KCNC2: variants seen among roughly 807,000 people sequenced by gnomAD.
KCNC2 encodes the protein potassium voltage-gated channel subfamily C member 2, also known as voltage-gated potassium channel KCNC2.
A neutral mutation model predicts 44.5 loss-of-function variants in KCNC2; 21 were observed. The observed-to-expected ratio is 0.47, with a 90% CI of 0.33 to 0.68. The LOEUF (loss-of-function observed/expected upper bound fraction) is 0.68. Among genes scored for constraint, KCNC2 ranks in the 30% least tolerant of loss-of-function variants. The probability of loss-of-function intolerance (pLI) is 0.01; values close to 1 mark genes in which losing one functional copy is unlikely to be tolerated. For synonymous variants in KCNC2, 391 were observed against 339.1 expected, an observed-to-expected ratio of 1.15 and a Z score of -1.68; for missense variants, 589 against 826.2, an observed-to-expected ratio of 0.71 and a Z score of 3.52.
intron 2 of KCNC2, among the ~76,000 whole-genome samples, chr12:75,130,430 C>T (rs1315806546): frequency 2.0e-5 from 3 of 152,078 alleles, no homozygotes; most frequent in Non-Finnish European, 4.4e-5. Context: ...GCCTAAACTA[C>T]ATAACACAAC....
intron 2 of KCNC2, among the ~76,000 whole-genome samples, chr12:75,161,074 C>G (rs539851739): frequency 1.3e-5 from 2 of 151,352 alleles, no homozygotes; most frequent in Non-Finnish European, 3.0e-5. Context: ...TTTAATTAGC[C>G]CATATAACTC....
chr12:75,106,583 A>G (rs1016308338), intron 2 of KCNC2, among the ~76,000 whole-genome samples: 16 of 152,160 alleles, frequency 1.1e-4, no homozygotes, highest in African/African-American at 3.1e-4. Context: ...CAAAGGATGA[A>G]GGTATAGGTA....
chr12:75,177,283 T>A (rs1892255822), intron 2 of KCNC2, among the ~76,000 whole-genome samples: 1 of 151,908 alleles, frequency 6.6e-6, no homozygotes, highest in African/African-American at 2.4e-5. Flanking sequence ...ATGCTATTTT[T>A]ATGAACAAAC....
At chr12:75,176,096 C>T (rs1047497615) in intron 2 of KCNC2, among the ~76,000 whole-genome samples, 2 of 151,956 alleles carry the variant, frequency 1.3e-5, no homozygotes, top group African/African-American at 4.8e-5. Flanking sequence ...GGGCCAAAGA[C>T]CAAAAAGTAC....
chr12:75,155,720 A>G (rs774841357), intron 2 of KCNC2, among the ~76,000 whole-genome samples: 5 of 151,600 alleles, frequency 3.3e-5, no homozygotes, highest in Non-Finnish European at 7.4e-5. Flanking sequence ...CAGAAGATGA[A>G]TTAATGAATT....
At chr12:75,071,512 G>A (rs1001164633) in intron 2 of KCNC2, among the ~76,000 whole-genome samples, 17 of 152,068 alleles carry the variant, frequency 1.1e-4, no homozygotes, top group African/African-American at 3.9e-4. Context: ...CATATTATAA[G>A]TTTTCAACGA....
intron 2 of KCNC2, among the ~76,000 whole-genome samples, chr12:75,137,426 T>G (rs1653106684): frequency 6.6e-6 from 1 of 152,330 alleles, no homozygotes; most frequent in South Asian, 2.1e-4. Context: ...TATATATGTA[T>G]ACATATTTGT....
chr12:75,149,496 A>G (rs1890242918), intron 2 of KCNC2, among the ~76,000 whole-genome samples: 1 of 151,928 alleles, frequency 6.6e-6, no homozygotes, highest in South Asian at 2.1e-4. Flanking sequence ...CCTCATCTGT[A>G]GAAAATGGTT....
chr12:75,042,906 C>T lies in KCNC2; in HGVS notation c.*199G>A, dbSNP rs1305807704. The T allele has an allele frequency of 2.2e-5, 31 of 1,387,234 alleles. No individual in the cohort carries two copies. The highest frequency in any genetic ancestry group is 2.9e-5 in the Non-Finnish European group (31 of 1,073,478). The allele number at this position is 1,387,234 out of a possible 1,614,324, so 85.9% of individuals were successfully genotyped here. A position where few individuals can be genotyped will look rare whatever the true frequency, so the allele number is the denominator to read the frequency against. ...ATTAATAGGAGGGATCTTAGCACTA[C>T]TTTAGACAATCTTTAAAGCCTGGGT... On this transcript the variant is annotated 3_prime_UTR_variant, in exon 5 of 5. Coordinates refer to ENST00000549446, the MANE Select transcript of KCNC2 (RefSeq NM_139137.4).
chr12:75,199,434 G>A (rs1593082702), intron 2 of KCNC2, among the ~76,000 whole-genome samples: 2 of 151,918 alleles, frequency 1.3e-5, no homozygotes, highest in East Asian at 3.9e-4. Flanking sequence ...CAGTAATCAT[G>A]GAGTATTTTT....
intron 2 of KCNC2, among the ~76,000 whole-genome samples, chr12:75,170,034 C>A (rs1891708201): frequency 1.3e-5 from 2 of 151,658 alleles, no homozygotes; most frequent in Admixed American, 1.3e-4. Context: ...TTGTTTTAAT[C>A]TATGACTAAG....
At chr12:75,074,387 A>G (rs1007480215) in intron 2 of KCNC2, among the ~76,000 whole-genome samples, 11 of 152,218 alleles carry the variant, frequency 7.2e-5, no homozygotes, top group African/African-American at 2.6e-4. Context: ...GAAAACGGTC[A>G]AAGTTTGTGT....
At chr12:75,128,749 T>C (rs1439800358) in intron 2 of KCNC2, among the ~76,000 whole-genome samples, 1 of 152,202 alleles carries the variant, frequency 6.6e-6, no homozygotes. Context: ...TAATTTCATA[T>C]AGGAGGGATG....
chr12:75,121,801 C>T (rs1397389207), intron 2 of KCNC2, among the ~76,000 whole-genome samples: 1 of 152,094 alleles, frequency 6.6e-6, no homozygotes, highest in Non-Finnish European at 1.5e-5. Flanking sequence ...GCAAAGTTCT[C>T]CATTCTGTTT....
intron 2 of KCNC2, among the ~76,000 whole-genome samples, chr12:75,183,331 G>T (rs1404489114): frequency 6.6e-6 from 1 of 152,200 alleles, no homozygotes; most frequent in African/African-American, 2.4e-5. Flanking sequence ...GCTAAGCGAA[G>T]ACGTGCTTCT....
At chr12:75,132,480 G>A (rs1888922885) in intron 2 of KCNC2, among the ~76,000 whole-genome samples, 1 of 152,036 alleles carries the variant, frequency 6.6e-6, no homozygotes, top group Non-Finnish European at 1.5e-5. Flanking sequence ...CAATATTTTT[G>A]TATGCTTGAC....
rs763166759 is a variant in KCNC2, at chr12:75,043,145, G to T, written c.1877C>A (p.Pro626His). 4 of 1,612,518 alleles carry T rather than the reference G, an allele frequency of 2.5e-6. No individual in the cohort carries two copies. The highest frequency in any genetic ancestry group is 3.4e-6 in the Non-Finnish European group (4 of 1,179,004). ...GATGGGAGATCGAGAGCGCCTCAGA[G>T]GACAAGGAGAGTTGTAGGGTGATGT... is the stretch of plus-strand genomic sequence containing the variant. ...PVTSPYNSPC[P>H]LRRSRSPIPS... Residue 626 changes from proline (P) to histidine (H), a missense_variant, in exon 5 of 5, where the codon CCT becomes CAT. This residue lies in a region of KCNC2 where 171 missense variants were observed against 182.4 expected (regional missense o/e 0.94). Coordinates refer to ENST00000549446, the MANE Select transcript of KCNC2 (RefSeq NM_139137.4).
At chr12:75,171,146 A>G (rs1015638645) in intron 2 of KCNC2, among the ~76,000 whole-genome samples, 1 of 151,792 alleles carries the variant, frequency 6.6e-6, no homozygotes, top group African/African-American at 2.4e-5. Flanking sequence ...TAAAGGGATC[A>G]CCTGATTAGG....
intron 2 of KCNC2, among the ~76,000 whole-genome samples, chr12:75,059,301 G>A (rs1335048087): frequency 6.6e-6 from 1 of 152,082 alleles, no homozygotes; most frequent in African/African-American, 2.4e-5. Flanking sequence ...TAGTAGCCAT[G>A]AGGCCTTTTC....
Sources: gnomAD v4.1 joint callset for allele counts (sites outside exome capture counted in the v4.1 genomes callset) on GRCh38, gnomAD v4.1.1 for gene constraint, gnomAD v4.1.1 regional missense constraint, MANE v1.5 for transcripts, NCBI Gene and HGNC (gene_info 2026-07-23, HGNC 2026-07-21) for gene names.